LIPA: variants seen among roughly 807,000 people sequenced by gnomAD.
LIPA encodes the protein lysosomal acid lipase/cholesteryl ester hydrolase.
In LIPA, 26 loss-of-function variants were observed where a neutral mutation model predicts 40.6. The observed-to-expected ratio is 0.64, with a 90% CI of 0.47 to 0.89. The LOEUF (loss-of-function observed/expected upper bound fraction) is 0.89, where lower values mean the gene tolerates loss of function less well. Among genes scored for constraint, LIPA ranks in the 40% least tolerant of loss-of-function variants. The pLI, the probability that LIPA is intolerant of heterozygous loss-of-function variation, is 0.00. For synonymous variants in LIPA, 188 were observed against 168.4 expected (o/e 1.12, Z -0.90); for missense variants, 455 against 479.6 (o/e 0.95, Z 0.48).
intron 1 of LIPA, among the ~76,000 whole-genome samples, chr10:89,269,633 C>T (rs1843255112): frequency 6.6e-6 from 1 of 152,130 alleles, no homozygotes; most frequent in Non-Finnish European, 1.5e-5. Context: ...GTTTCTGAAG[C>T]TTATATGTTC....
intron 8 of LIPA, 58 bp downstream of exon 8, chr10:89,222,453 C>T (rs1842711608): frequency 9.4e-7 from 1 of 1,065,584 alleles, no homozygotes; most frequent in African/African-American, 1.6e-5. Flanking sequence ...GTTTGCATGC[C>T]CAGACCTTTC....
At chr10:89,367,259 C>T (rs1844063198) in intron 2 of LIPA, among the ~76,000 whole-genome samples, 1 of 152,070 alleles carries the variant, frequency 6.6e-6, no homozygotes, top group African/African-American at 2.4e-5. Flanking sequence ...ACCAACGTGG[C>T]ACATGAATAC....
intron 1 of LIPA, among the ~76,000 whole-genome samples, chr10:89,299,676 C>T (rs1462331483): frequency 1.3e-5 from 2 of 152,034 alleles, no homozygotes; most frequent in Non-Finnish European, 2.9e-5. Context: ...AAATACTCAA[C>T]ATCACTCAAC....
intron 1 of LIPA, among the ~76,000 whole-genome samples, chr10:89,268,883 G>A (rs1843251132): frequency 6.6e-6 from 1 of 151,930 alleles, no homozygotes; most frequent in Non-Finnish European, 1.5e-5. Context: ...CTACTCGGGA[G>A]GCTGAGGCAG....
intron 3 of LIPA, among the ~76,000 whole-genome samples, chr10:89,235,576 G>A (rs939709816): frequency 6.6e-6 from 1 of 152,264 alleles, no homozygotes; most frequent in Non-Finnish European, 1.5e-5. Context: ...TCCCGCAGGA[G>A]GAAGATGACC....
upstream of LIPA, among the ~76,000 whole-genome samples, chr10:89,346,036 C>CA (rs1843918246): frequency 6.6e-6 from 1 of 151,980 alleles, no homozygotes; most frequent in Admixed American, 6.6e-5. Flanking sequence ...TTTAAAACGA[C>CA]AAAAAACAGA....
At chr10:89,369,079 C>T (rs892856125) in intron 2 of LIPA, among the ~76,000 whole-genome samples, 1 of 152,138 alleles carries the variant, frequency 6.6e-6, no homozygotes, top group African/African-American at 2.4e-5. Flanking sequence ...TTTCCATGGG[C>T]AGTGCTGATT....
At chr10:89,329,391 G>A (rs1843628669) in intron 1 of LIPA, among the ~76,000 whole-genome samples, 1 of 152,160 alleles carries the variant, frequency 6.6e-6, no homozygotes, top group Admixed American at 6.5e-5. Flanking sequence ...CGTCTTAGTA[G>A]CCAGCTTGCA....
intron 2 of LIPA, among the ~76,000 whole-genome samples, chr10:89,352,996 G>T (rs1682954674): frequency 6.6e-6 from 1 of 152,018 alleles, no homozygotes. Flanking sequence ...TGCTTCCTCT[G>T]CCCTATCGTT....
At chr10:89,363,529 G>C (rs1468181930) in intron 2 of LIPA, 1 of 152,230 alleles carries the variant, frequency 6.6e-6, no homozygotes, top group Admixed American at 6.5e-5. Flanking sequence ...TGTAATCCCA[G>C]CACTTTGGGA....
intron 1 of LIPA, chr10:89,338,763 T>C (rs758038946): frequency 1.9e-6 from 3 of 1,613,890 alleles, no homozygotes; most frequent in African/African-American, 2.7e-5. Flanking sequence ...ATCTAGAAGA[T>C]AGAGTGTGTA....
intron 2 of LIPA, among the ~76,000 whole-genome samples, chr10:89,399,489 A>G (rs1844391071): frequency 6.6e-6 from 1 of 152,060 alleles, no homozygotes. Flanking sequence ...CTTTCTTCTG[A>G]GTTTTATAAT....
At chr10:89,260,463 G>A (rs549198826) in intron 1 of LIPA, among the ~76,000 whole-genome samples, 1 of 152,334 alleles carries the variant, frequency 6.6e-6, no homozygotes, top group Non-Finnish European at 1.5e-5. Flanking sequence ...ATGGATGAGA[G>A]GTTGGGTAGC....
chr10:89,223,861 T>G (rs763280276), intron 6 of LIPA, 31 bp from the exon 7 acceptor site: 1 of 1,611,130 alleles, frequency 6.2e-7, no homozygotes, highest in South Asian at 1.1e-5. Flanking sequence ...CAAGAACATC[T>G]CAGCATTTCA....
intron 1 of LIPA, among the ~76,000 whole-genome samples, chr10:89,270,788 C>T (rs1168787381): frequency 6.6e-6 from 1 of 152,210 alleles, no homozygotes; most frequent in Non-Finnish European, 1.5e-5. Flanking sequence ...GTGTCTGTGA[C>T]AGATAGGGAG....
chr10:89,222,579 T>C lies in LIPA; in HGVS notation c.826A>G (p.Arg276Gly). Residue 276 changes from arginine to glycine, a missense_variant, in exon 8 of 10, where the codon AGA becomes GGA. Transcript: ENST00000336233. ...GFNERNLNMS[R>G]VDVYTTHSPA... ...GAATGTGTTGTATATACATCCACTC[T>C]AGACTGCAAAATAAATACATTGAAA... 2 of 1,574,936 alleles carry C rather than the reference T, an allele frequency of 1.3e-6. No homozygotes were observed. Among genetic ancestry groups the C allele is most frequent in the Non-Finnish European group, 1.7e-6 (2 of 1,144,222 alleles).
At chr10:89,309,715 A>G (rs1843505196) in intron 1 of LIPA, among the ~76,000 whole-genome samples, 1 of 152,220 alleles carries the variant, frequency 6.6e-6, no homozygotes, top group African/African-American at 2.4e-5. Flanking sequence ...GGGAAACATA[A>G]CATATTACAC....
At chr10:89,283,752 A>G (rs1366821584) in intron 1 of LIPA, 2 of 152,230 alleles carry the variant, frequency 1.3e-5, no homozygotes, top group African/African-American at 4.8e-5. Context: ...GCAAGTACAC[A>G]TAAAGGTATC....
At chr10:89,351,778 T>C (rs536973792) in intron 2 of LIPA, among the ~76,000 whole-genome samples, 5 of 152,342 alleles carry the variant, frequency 3.3e-5, no homozygotes, top group African/African-American at 1.2e-4. Context: ...AGAGTCTTAA[T>C]TGACCCACTC....
Sources: allele counts gnomAD v4.1 joint callset (sites outside exome capture counted in the v4.1 genomes callset), GRCh38; gene constraint gnomAD v4.1.1; transcripts MANE v1.5; gene names NCBI Gene and HGNC (gene_info 2026-07-23, HGNC 2026-07-21).